The following SNX13 variants were observed in gnomAD, a reference collection of about 807,000 sequenced individuals.
SNX13 encodes the protein sorting nexin 13, also known as sorting nexin-13.
A neutral mutation model predicts 133.6 loss-of-function variants in SNX13; 45 were observed. The ratio of observed to expected loss-of-function variants is 0.34; its 90% CI spans 0.27 to 0.43. The LOEUF (loss-of-function observed/expected upper bound fraction) is 0.43, where lower values mean the gene tolerates loss of function less well. Among genes scored for constraint, SNX13 ranks in the 20% least tolerant of loss-of-function variants. SNX13 has a pLI of 1.00. For missense variants in SNX13, 1,032 were observed against 1,145.1 expected, an observed-to-expected ratio of 0.90 and a Z score of 1.43; for synonymous variants, 414 against 373.9, an observed-to-expected ratio of 1.11 and a Z score of -1.24.
chr7:17,918,580 G>C (rs1044301120), intron 1 of SNX13, among the ~76,000 whole-genome samples: 5 of 152,124 alleles, frequency 3.3e-5, no homozygotes, highest in African/African-American at 1.2e-4. Context: ...CAGTCAAAAT[G>C]ACTATTATTA....
intron 15 of SNX13, chr7:17,831,243 A>C: frequency 8.1e-6 from 8 of 983,840 alleles, no homozygotes; most frequent in Non-Finnish European, 9.7e-6. Context: ...GAATTGGATG[A>C]CTACCTACAA....
At chr7:17,869,340 C>T (rs1356217082) in intron 8 of SNX13, among the ~76,000 whole-genome samples, 1 of 151,966 alleles carries the variant, frequency 6.6e-6, no homozygotes, top group Non-Finnish European at 1.5e-5. Flanking sequence ...CCCATCTTCT[C>T]AAGGTCATTG....
chr7:17,840,234 A>C (rs1789714000), intron 12 of SNX13, among the ~76,000 whole-genome samples: 1 of 152,066 alleles, frequency 6.6e-6, no homozygotes, highest in Non-Finnish European at 1.5e-5. Context: ...TTTCAATCCC[A>C]CTTTTCATAA....
chr7:17,885,820 T>A (rs1375524268), intron 5 of SNX13, among the ~76,000 whole-genome samples: 1 of 151,888 alleles, frequency 6.6e-6, no homozygotes, highest in African/African-American at 2.4e-5. Flanking sequence ...AGAACAAGAG[T>A]CTGCCTCAAA....
intron 20 of SNX13, among the ~76,000 whole-genome samples, chr7:17,805,255 G>GTGTGTGCGCGCGCGCA (rs772458913): frequency 2.5e-4 from 22 of 86,818 alleles, no homozygotes; most frequent in South Asian, 5.9e-4. Flanking sequence ...GTGTGTGCGT[G>GTGTGTGCGCGCGCGCA]CGCGCGCGCG....
At chr7:17,831,356 A>G in intron 15 of SNX13, 1 of 848,144 alleles carries the variant, frequency 1.2e-6, no homozygotes, top group Non-Finnish European at 1.4e-6. Flanking sequence ...TTAAAAGCCT[A>G]TGAGACTGTT....
chr7:17,872,233 T>G (rs773097966), intron 8 of SNX13, among the ~76,000 whole-genome samples: 8 of 152,042 alleles, frequency 5.3e-5, no homozygotes, highest in Admixed American at 3.3e-4. Context: ...GAAGAGAAGT[T>G]AAGGAGTATA....
At chr7:17,799,798 C>T (rs1045164551) in intron 22 of SNX13, among the ~76,000 whole-genome samples, 1 of 151,592 alleles carries the variant, frequency 6.6e-6, no homozygotes, top group South Asian at 2.1e-4. Flanking sequence ...AAAAGGAAGA[C>T]GATCGGAATG....
intron 1 of SNX13, among the ~76,000 whole-genome samples, chr7:17,918,779 T>C (rs1425162535): frequency 6.6e-6 from 1 of 152,214 alleles, no homozygotes; most frequent in Admixed American, 6.5e-5. Context: ...AATGAATCTT[T>C]CTACCAAAAG....
intron 9 of SNX13, among the ~76,000 whole-genome samples, chr7:17,853,950 TAAAA>T (rs1306279612): frequency 1.5e-5 from 2 of 132,374 alleles, no homozygotes; most frequent in Non-Finnish European, 3.3e-5. Flanking sequence ...CCAAAAAAAA[TAAAA>T]AAAGAAAAAA....
chr7:17,833,651 CTG>C (rs1214895447), intron 15 of SNX13, among the ~76,000 whole-genome samples: 4 of 151,574 alleles, frequency 2.6e-5, no homozygotes, highest in East Asian at 3.9e-4. Context: ...ATATTTAAAA[CTG>C]TAGTTTTTTA....
chr7:17,800,485 T>C (rs1784499185), intron 22 of SNX13, among the ~76,000 whole-genome samples: 1 of 151,722 alleles, frequency 6.6e-6, no homozygotes, highest in African/African-American at 2.4e-5. Context: ...CTTCAATCCA[T>C]ATACAAAAAT....
intron 1 of SNX13, among the ~76,000 whole-genome samples, chr7:17,912,180 G>C (rs572712347): frequency 6.6e-6 from 1 of 152,190 alleles, no homozygotes; most frequent in Non-Finnish European, 1.5e-5. Context: ...GGCAGCCCCA[G>C]GGACAGCATT....
At chr7:17,816,522 A>T (rs1786683286) in intron 18 of SNX13, among the ~76,000 whole-genome samples, 1 of 152,102 alleles carries the variant, frequency 6.6e-6, no homozygotes, top group Non-Finnish European at 1.5e-5. Flanking sequence ...TTAGCTGGGC[A>T]TGGTGGCACA....
intron 1 of SNX13, among the ~76,000 whole-genome samples, chr7:17,922,323 A>G (rs1238626819): frequency 1.3e-5 from 2 of 152,202 alleles, no homozygotes; most frequent in African/African-American, 2.4e-5. Flanking sequence ...AAAGCACAGC[A>G]GTTGTTAATT....
chr7:17,938,380 T>C (rs1351908513), intron 1 of SNX13, among the ~76,000 whole-genome samples: 3 of 152,204 alleles, frequency 2.0e-5, no homozygotes, highest in African/African-American at 7.2e-5. Flanking sequence ...TATTTAATAA[T>C]TGACCTTGGA....
intron 9 of SNX13, among the ~76,000 whole-genome samples, chr7:17,859,781 C>T (rs1340666338): frequency 6.6e-6 from 1 of 152,262 alleles, no homozygotes. Context: ...GCTTATTTCA[C>T]TTAACACAGT....
chr7:17,856,917 T>C (rs189186906), intron 9 of SNX13, among the ~76,000 whole-genome samples: 1 of 148,408 alleles, frequency 6.7e-6, no homozygotes, highest in East Asian at 2.0e-4. Flanking sequence ...ATAAATGAAA[T>C]TGAGACTAAG....
In SNX13 at chr7:17,875,491, T is replaced by C. The variant is rs748723828; in HGVS notation, c.653A>G (p.Lys218Arg). 1 of 1,606,760 alleles carries C rather than the reference T, an allele frequency of 6.2e-7. No homozygotes were observed. Among genetic ancestry groups the C allele is most frequent in the South Asian group, 1.1e-5 (1 of 89,992 alleles). The stretch of plus-strand genomic sequence containing the variant: ...AATTAAAAGAAAACCTTCTTCATCT[T>C]TGGGGGAAGTGCACACTAGATCACG... ...VCRDLVCTSP[K>R]DEEGFLRDLC... The change falls in exon 7 of 26, where the codon AAA becomes AGA. Residue 218 changes from lysine (K) to arginine (R), a missense_variant. Lys to Arg is a conservative substitution (Grantham distance 26). Transcript: ENST00000428135.
Sources: gnomAD v4.1 joint callset for allele counts (sites outside exome capture counted in the v4.1 genomes callset) on GRCh38, gnomAD v4.1.1 for gene constraint, MANE v1.5 for transcripts, NCBI Gene and HGNC (gene_info 2026-07-23, HGNC 2026-07-21) for gene names.